Variants in CDC42BPA observed in about 807,000 individuals in gnomAD.
CDC42BPA encodes serine/threonine-protein kinase MRCK alpha.
Under a neutral mutation model 223.5 loss-of-function variants are expected in CDC42BPA, and 80 were observed. The ratio of observed to expected loss-of-function variants is 0.36; its 90% CI spans 0.30 to 0.43. CDC42BPA has a LOEUF of 0.43. CDC42BPA is among the 20% of genes least tolerant of loss of function. CDC42BPA has a pLI of 1.00. For synonymous variants in CDC42BPA, 694 were observed against 718.6 expected (o/e 0.97, Z 0.55); for missense variants, 1,743 against 2,099.9 (o/e 0.83, Z 3.32).
intron 14 of CDC42BPA, among the ~76,000 whole-genome samples, chr1:227,109,539 T>A (rs1396599559): frequency 6.6e-6 from 1 of 152,092 alleles, no homozygotes; most frequent in African/African-American, 2.4e-5. Context: ...CTAATTTTTG[T>A]ATTTTTAGTA....
intron 21 of CDC42BPA, among the ~76,000 whole-genome samples, chr1:227,053,713 T>A (rs531665716): frequency 2.6e-5 from 4 of 152,286 alleles, no homozygotes; most frequent in Middle Eastern, 3.4e-3. Context: ...TTTCCTTTCC[T>A]GATAGTAAAT....
At chr1:227,196,378 T>A (rs1406349232) in intron 4 of CDC42BPA, among the ~76,000 whole-genome samples, 2 of 134,492 alleles carry the variant, frequency 1.5e-5, no homozygotes, top group South Asian at 2.4e-4. Context: ...CTCCCTCTGT[T>A]GCCCAGGCTG....
chr1:227,087,015 T>A lies in CDC42BPA; in HGVS notation c.2355+4871A>T, dbSNP rs551770727. Among the ~76,000 whole-genome samples, 3 of 152,326 alleles carry A rather than the reference T, an allele frequency of 2.0e-5. No homozygotes were observed. In the East Asian group the frequency reaches 5.8e-4, roughly 29 times the overall value. On this transcript the variant is annotated intron_variant, in intron 16 of 36. Transcript: ENST00000366766. ...TTATGAATACAAGTCTTTTTTCAGA[T>A]AAATGATTTGGAAATATTTCCTCCC...
chr1:227,078,180 G>T (rs747816573), intron 17 of CDC42BPA, among the ~76,000 whole-genome samples: 14 of 152,044 alleles, frequency 9.2e-5, no homozygotes, highest in Non-Finnish European at 1.5e-4. Context: ...ACTAAACTCA[G>T]GGTTTTCAGA....
At chr1:227,129,977 T>C (rs1656732534) in intron 10 of CDC42BPA, among the ~76,000 whole-genome samples, 1 of 152,126 alleles carries the variant, frequency 6.6e-6, no homozygotes, top group Non-Finnish European at 1.5e-5. Flanking sequence ...CAGGTAACCA[T>C]GGCTCAACAA....
chr1:227,173,357 G>A (rs1296565919), intron 5 of CDC42BPA, among the ~76,000 whole-genome samples: 1 of 152,176 alleles, frequency 6.6e-6, no homozygotes, highest in Non-Finnish European at 1.5e-5. Context: ...TTTATCCTCA[G>A]CTACTGGAAG....
chr1:227,025,714 T>G (rs2148606275), intron 31 of CDC42BPA, among the ~76,000 whole-genome samples: 1 of 152,302 alleles, frequency 6.6e-6, no homozygotes, highest in East Asian at 1.9e-4. Context: ...TGAATGACAG[T>G]TATAATTCAT....
intron 2 of CDC42BPA, among the ~76,000 whole-genome samples, chr1:227,233,325 C>T (rs1357740215): frequency 2.0e-5 from 3 of 152,188 alleles, no homozygotes; most frequent in African/African-American, 7.2e-5. Flanking sequence ...GCATGAGCCA[C>T]CACGCCCGGC....
chr1:227,296,735 G>A (rs1427894688), intron 1 of CDC42BPA, among the ~76,000 whole-genome samples: 1 of 147,692 alleles, frequency 6.8e-6, no homozygotes. Context: ...AAAACTTTTG[G>A]AAAAAAGCAA....
intron 21 of CDC42BPA, among the ~76,000 whole-genome samples, chr1:227,053,247 T>C (rs944421798): frequency 2.6e-5 from 4 of 152,138 alleles, no homozygotes; most frequent in Admixed American, 2.0e-4. Flanking sequence ...ATCTGGCAAG[T>C]GTATGGGAAG....
Position 227,139,710 on chromosome 1 carries a change from G to T in CDC42BPA, c.1256C>A (p.Thr419Lys), listed in dbSNP as rs370729750. The T allele has an allele frequency of 1.3e-6, 2 of 1,595,614 alleles. No individual in the cohort carries two copies. Among genetic ancestry groups the T allele is most frequent in the African/African-American group, 1.4e-5 (1 of 74,022 alleles). ...VLSDRSCLRV[T>K]AGPTSLDLDV... ...AAGATCCAGTGAGGTGGGACCAGCC[G>T]TAACTCTTAAACAGCTCCGATCAGA... The change falls in exon 10 of 37, where the codon ACG becomes AAG. Residue 419 changes from threonine (T) to lysine (K), a missense_variant. By Grantham distance (78) the Thr-to-Lys change is moderately conservative. Coordinates refer to ENST00000366766, the MANE Select transcript of CDC42BPA (RefSeq NM_001394014.1).
intron 32 of CDC42BPA, among the ~76,000 whole-genome samples, chr1:227,020,326 C>G (rs957858307): frequency 5.3e-5 from 8 of 152,238 alleles, no homozygotes; most frequent in Non-Finnish European, 2.9e-5. Flanking sequence ...ACATTGACTT[C>G]TCTCTAGCTA....
intron 28 of CDC42BPA, 71 bp from the exon 29 acceptor site, chr1:227,030,541 A>G: frequency 1.1e-6 from 1 of 915,628 alleles, no homozygotes; most frequent in Non-Finnish European, 1.7e-6. Context: ...ACCAGATGAT[A>G]AGAACATTTG....
intron 35 of CDC42BPA, among the ~76,000 whole-genome samples, chr1:226,995,502 C>CCA (rs5781457): frequency 0.39 from 58,638 of 151,918 alleles, 11,807 homozygotes; most frequent in Non-Finnish European, 0.46. Flanking sequence ...TGTACCATCC[C>CCA]GAGAGAGGCC....
intron 23 of CDC42BPA, among the ~76,000 whole-genome samples, chr1:227,042,315 T>TATATATATATATATATATAA (rs1671543768): frequency 6.9e-6 from 1 of 145,340 alleles, no homozygotes; most frequent in African/African-American, 2.6e-5. Context: ...TATATATATA[T>TATATATATATATATATATAA]CATACACTTC....
At chr1:227,210,167 T>A (rs1673616969) in intron 3 of CDC42BPA, among the ~76,000 whole-genome samples, 1 of 152,208 alleles carries the variant, frequency 6.6e-6, no homozygotes, top group Non-Finnish European at 1.5e-5. Context: ...TTGTGAATAG[T>A]GCCGCAATAA....
chr1:227,162,615 G>C (rs1221181121), intron 5 of CDC42BPA, among the ~76,000 whole-genome samples: 1 of 152,132 alleles, frequency 6.6e-6, no homozygotes, highest in Non-Finnish European at 1.5e-5. Flanking sequence ...AGGATTACTT[G>C]AGCCCAGGAG....
At chr1:227,035,411 G>C (rs1212152404) in intron 25 of CDC42BPA, 60 bp downstream of exon 25, 1 of 1,301,620 alleles carries the variant, frequency 7.7e-7, no homozygotes, top group East Asian at 2.4e-5. Flanking sequence ...AACTGGATTT[G>C]ATTTTAATTC....
At chr1:227,077,353 T>C (rs1031096477) in intron 17 of CDC42BPA, among the ~76,000 whole-genome samples, 1 of 152,170 alleles carries the variant, frequency 6.6e-6, no homozygotes, top group African/African-American at 2.4e-5. Context: ...CACTCTTATG[T>C]TTTAATCAAT....
Sources: allele counts gnomAD v4.1 joint callset (sites outside exome capture counted in the v4.1 genomes callset), GRCh38; gene constraint gnomAD v4.1.1; transcripts MANE v1.5; gene names NCBI Gene and HGNC (gene_info 2026-07-23, HGNC 2026-07-21).